The following MSL2 variants were observed in gnomAD, a reference collection of about 807,000 sequenced individuals.
MSL2 encodes E3 ubiquitin-protein ligase MSL2.
A neutral mutation model predicts 35.8 loss-of-function variants in MSL2; 2 were observed. The observed-to-expected ratio is 0.06, with a 90% CI of 0.02 to 0.18. The LOEUF is 0.18. MSL2 is among the 10% of genes least tolerant of loss of function. The probability of loss-of-function intolerance (pLI) is 1.00; values close to 1 mark genes in which losing one functional copy is unlikely to be tolerated. For missense variants in MSL2, 523 were observed against 706.7 expected (o/e 0.74, Z 2.95); for synonymous variants, 296 against 255.7 (o/e 1.16, Z -1.50).
intron 1 of MSL2, among the ~76,000 whole-genome samples, chr3:136,163,228 C>T (rs1425184809): frequency 1.3e-5 from 2 of 152,112 alleles, no homozygotes; most frequent in East Asian, 3.8e-4. Context: ...CATTGCACTC[C>T]AACCTGGGCA....
intron 1 of MSL2, among the ~76,000 whole-genome samples, chr3:136,182,755 C>A (rs1940405730): frequency 6.6e-6 from 1 of 151,864 alleles, no homozygotes; most frequent in Admixed American, 6.6e-5. Context: ...GAGTGGTGTA[C>A]CAGGTCCCTC....
chr3:136,163,876 C>T (rs1559961462), intron 1 of MSL2, among the ~76,000 whole-genome samples: 1 of 152,198 alleles, frequency 6.6e-6, no homozygotes, highest in South Asian at 2.1e-4. Context: ...AGGTGCCCTG[C>T]TTCCCCTCTT....
chr3:136,178,452 C>T (rs1940243821), intron 1 of MSL2, among the ~76,000 whole-genome samples: 1 of 151,668 alleles, frequency 6.6e-6, no homozygotes, highest in Non-Finnish European at 1.5e-5. Flanking sequence ...AGAGTCATCC[C>T]AAAATACATT....
chr3:136,192,396 C>T (rs1940716227), intron 1 of MSL2, among the ~76,000 whole-genome samples: 1 of 152,226 alleles, frequency 6.6e-6, no homozygotes, highest in Admixed American at 6.5e-5. Context: ...CCAGGCTGGT[C>T]TCCAACTCCT....
At chr3:136,180,807 AGGG>A (rs1940330990) in intron 1 of MSL2, among the ~76,000 whole-genome samples, 1 of 104,494 alleles carries the variant, frequency 9.6e-6, no homozygotes, top group African/African-American at 3.8e-5. Flanking sequence ...GGAGGGAGGG[AGGG>A]AAGGAGGGAA....
chr3:136,154,794 G>A lies in MSL2; in HGVS notation c.143-2056C>T, dbSNP rs77686023. Among the ~76,000 whole-genome samples, 1,493 of 152,188 alleles carry A rather than the reference G, an allele frequency of 9.8e-3. 10 individuals carry two copies. Among genetic ancestry groups the A allele is most frequent in the Non-Finnish European group, 0.015 (1,049 of 68,026 alleles). On this transcript the variant is annotated intron_variant, in intron 1 of 1. Coordinates refer to ENST00000309993, the MANE Select transcript of MSL2 (RefSeq NM_018133.4). The stretch of plus-strand genomic sequence containing the variant: ...GGTCTTAAGCTAGGCACAGTGGCAC[G>A]TGCCTGTTGTTCTAGCTCTCTGAGA...
intron 1 of MSL2, among the ~76,000 whole-genome samples, chr3:136,189,321 AAAGTT>A (rs1231378788): frequency 2.0e-5 from 3 of 147,210 alleles, no homozygotes; most frequent in African/African-American, 7.6e-5. Context: ...AAAAAAAAAA[AAAGTT>A]AAGAAAATAG....
chr3:136,179,399 T>C (rs1940274085), intron 1 of MSL2, among the ~76,000 whole-genome samples: 1 of 152,116 alleles, frequency 6.6e-6, no homozygotes, highest in South Asian at 2.1e-4. Flanking sequence ...CCCAAACTGG[T>C]CTTGAACTCC....
At chr3:136,162,608 G>C (rs931698101) in intron 1 of MSL2, among the ~76,000 whole-genome samples, 1 of 152,084 alleles carries the variant, frequency 6.6e-6, no homozygotes, top group Non-Finnish European at 1.5e-5. Context: ...CTACCAATTA[G>C]GAGGGAGAGA....
chr3:136,195,380 A>C lies in MSL2; in HGVS notation c.-267T>G. The C allele has an allele frequency of 3.3e-6, 4 of 1,204,206 alleles. No homozygotes were observed. Among genetic ancestry groups the C allele is most frequent in the Non-Finnish European group, 4.1e-6 (4 of 966,474 alleles). 74.6% of individuals were successfully genotyped at this position (1,204,206 alleles called of 1,614,324 possible). On this transcript the variant is annotated 5_prime_UTR_variant, in exon 1 of 2. Coordinates refer to ENST00000309993, the MANE Select transcript of MSL2 (RefSeq NM_018133.4). The stretch of plus-strand genomic sequence containing the variant: ...GCGTTCGAGTTCGTCCGGAGCGACC[A>C]CAGAGCGCAGAACGCGGCGGCTTGG...
At position 136,179,777 on chromosome 3, in the gene MSL2, C is replaced by T. The variant is rs781648324; in HGVS notation, c.142+15195G>A. On this transcript the variant is annotated intron_variant, in intron 1 of 1. Transcript: ENST00000309993. ...TGTTGACATATCTACTTTAAAACGG[C>T]TTATCTTGGGCTGGGCATGGTGCTC... Among the ~76,000 whole-genome samples, 18 of 152,108 alleles carry T rather than the reference C, an allele frequency of 1.2e-4. 1 individual carries two copies. Among genetic ancestry groups the T allele is most frequent in the African/African-American group, 4.8e-5 (2 of 41,442 alleles).
In MSL2 at chr3:136,165,031, G is replaced by A. The variant is rs1049230490; in HGVS notation, c.143-12293C>T. ...TGGGACCACAGGTGAGCACCACTGCGTCTGGCTAATTTTTTGTATTTTTAG... is the reference window on the plus strand; with the variant it reads ...TGGGACCACAGGTGAGCACCACTGCATCTGGCTAATTTTTTGTATTTTTAG... On this transcript the variant is annotated intron_variant, in intron 1 of 1. Coordinates refer to ENST00000309993, the MANE Select transcript of MSL2 (RefSeq NM_018133.4). Among the ~76,000 whole-genome samples the A allele has an allele frequency of 5.3e-5, 8 of 152,116 alleles. No homozygotes were observed. The South Asian group carries it at 6.2e-4, about 12-fold the overall frequency.
chr3:136,182,413 T>C (rs946827340), intron 1 of MSL2, among the ~76,000 whole-genome samples: 3 of 152,180 alleles, frequency 2.0e-5, no homozygotes, highest in African/African-American at 7.2e-5. Context: ...GGTTTTCAAA[T>C]ATTGACGAAC....
chr3:136,174,316 T>C (rs1940108448), intron 1 of MSL2, among the ~76,000 whole-genome samples: 1 of 152,202 alleles, frequency 6.6e-6, no homozygotes, highest in Non-Finnish European at 1.5e-5. Context: ...AACTGGGTAC[T>C]AGCAATGAAA....
At chr3:136,160,831 G>C (rs1221448952) in intron 1 of MSL2, among the ~76,000 whole-genome samples, 1 of 152,138 alleles carries the variant, frequency 6.6e-6, no homozygotes, top group Non-Finnish European at 1.5e-5. Context: ...GCTCACACCA[G>C]TAATCCCAGC....
chr3:136,163,616 T>C (rs1051464441), intron 1 of MSL2, among the ~76,000 whole-genome samples: 2 of 152,238 alleles, frequency 1.3e-5, no homozygotes, highest in Admixed American at 6.5e-5. Context: ...AGGTTCCCAC[T>C]GGCCAAAGAC....
At chr3:136,157,501 CAAA>C (rs1437833143) in intron 1 of MSL2, among the ~76,000 whole-genome samples, 1 of 151,472 alleles carries the variant, frequency 6.6e-6, no homozygotes, top group South Asian at 2.1e-4. Flanking sequence ...GACTCCAACT[CAAA>C]AAAACGAAAA....
intron 1 of MSL2, among the ~76,000 whole-genome samples, chr3:136,163,910 T>C (rs1939773010): frequency 6.6e-6 from 1 of 152,200 alleles, no homozygotes; most frequent in Non-Finnish European, 1.5e-5. Context: ...GATTGTTAAG[T>C]TCCTGAGGCC....
chr3:136,167,581 T>C (rs1277281916), intron 1 of MSL2, among the ~76,000 whole-genome samples: 1 of 152,168 alleles, frequency 6.6e-6, no homozygotes, highest in African/African-American at 2.4e-5. Context: ...ATAAACCTTT[T>C]GTTTATGACT....
Sources: gnomAD v4.1 joint callset for allele counts (sites outside exome capture counted in the v4.1 genomes callset) on GRCh38, gnomAD v4.1.1 for gene constraint, MANE v1.5 for transcripts, NCBI Gene and HGNC (gene_info 2026-07-23, HGNC 2026-07-21) for gene names.